Variants in ALMS1 observed in about 807,000 individuals in gnomAD.
ALMS1 encodes centrosome-associated protein ALMS1.
A neutral mutation model predicts 352.2 loss-of-function variants in ALMS1; 271 were observed. The ratio of observed to expected loss-of-function variants is 0.77; its 90% CI spans 0.70 to 0.85. The LOEUF (loss-of-function observed/expected upper bound fraction) is 0.85, where lower values mean the gene tolerates loss of function less well. Ranked by LOEUF, ALMS1 falls within the 40% of genes least tolerant of loss-of-function variation. ALMS1 has a pLI of 0.00. For missense variants in ALMS1, 5,445 were observed against 4,870.7 expected (o/e 1.12, Z -3.51); for synonymous variants, 1,865 against 1,761.2 (o/e 1.06, Z -1.48).
intron 9 of ALMS1, among the ~76,000 whole-genome samples, chr2:73,475,303 C>T (rs970246059): frequency 6.6e-6 from 1 of 152,050 alleles, no homozygotes; most frequent in Non-Finnish European, 1.5e-5. Flanking sequence ...TGAGGAACTT[C>T]TAAACTTTTT....
intron 1 of ALMS1, among the ~76,000 whole-genome samples, chr2:73,397,205 A>C (rs1005647842): frequency 1.3e-5 from 2 of 152,080 alleles, no homozygotes; most frequent in Non-Finnish European, 2.9e-5. Context: ...TGTCAATTAC[A>C]CTAGATTTTT....
intron 2 of ALMS1, among the ~76,000 whole-genome samples, chr2:73,415,693 A>G (rs570676207): frequency 6.6e-6 from 1 of 152,304 alleles, no homozygotes; most frequent in East Asian, 1.9e-4. Context: ...AGTGACATCA[A>G]TTTAAAGAAA....
rs1443249517 is a variant in ALMS1, at chr2:73,449,327, G to T, written c.2800G>T (p.Val934Phe). The stretch of plus-strand genomic sequence containing the variant: ...TCTTTTCCCTGAAGAAGCTCTGAAG[G>T]TTTCAGCTGTTTCTGTATTGGCTGC... ...DFLFPEEALK[V>F]SAVSVLAAQK... The change falls in exon 8 of 23, where the codon GTT becomes TTT. Residue 934 changes from valine to phenylalanine, a missense_variant. Transcript: ENST00000613296. The T allele has an allele frequency of 1.2e-6, 2 of 1,613,902 alleles. No individual in the cohort carries two copies. The highest frequency in any genetic ancestry group is 2.7e-5 in the African/African-American group (2 of 74,892).
intron 13 of ALMS1, among the ~76,000 whole-genome samples, chr2:73,553,072 A>G (rs929310850): frequency 2.0e-5 from 3 of 152,204 alleles, no homozygotes; most frequent in Non-Finnish European, 4.4e-5. Context: ...TACCATGTAC[A>G]TAAAAATACA....
intron 11 of ALMS1, among the ~76,000 whole-genome samples, chr2:73,521,927 T>G (rs6719753): frequency 0.38 from 57,509 of 152,088 alleles, 14,947 homozygotes; most frequent in African/African-American, 0.74. Context: ...AGGTGTTTTT[T>G]TTTGTTTGTT....
At chr2:73,538,526 G>A (rs1463402531) in intron 12 of ALMS1, among the ~76,000 whole-genome samples, 1 of 152,104 alleles carries the variant, frequency 6.6e-6, no homozygotes, top group Non-Finnish European at 1.5e-5. Context: ...AGGGATTGTA[G>A]GACAGTGGGT....
In ALMS1 at chr2:73,453,112, C is replaced by A; in HGVS notation, c.6585C>A (p.His2195Gln). The A allele has an allele frequency of 6.2e-7, 1 of 1,614,066 alleles. No individual in the cohort carries two copies. The highest frequency in any genetic ancestry group is 1.7e-5 in the Admixed American group (1 of 59,992). The change falls in exon 8 of 23, where the codon CAC (histidine) becomes CAA (glutamine). Residue 2195 changes from histidine to glutamine, a missense_variant. Transcript: ENST00000613296. ...GTACTTACTCACATGGTGAGAATCA[C>A]AAGCTTGTTTCAGAACATGTCCAAA... is the stretch of plus-strand genomic sequence containing the variant. ...PSGTYSHGEN[H>Q]KLVSEHVQRL...
intron 12 of ALMS1, among the ~76,000 whole-genome samples, chr2:73,535,954 A>G (rs944421064): frequency 3.9e-5 from 6 of 152,164 alleles, no homozygotes; most frequent in African/African-American, 1.4e-4. Context: ...AAGAGAACCA[A>G]ACTAGCTTCT....
At chr2:73,523,885 G>A (rs1572994349) in intron 11 of ALMS1, among the ~76,000 whole-genome samples, 1 of 152,124 alleles carries the variant, frequency 6.6e-6, no homozygotes, top group Admixed American at 6.5e-5. Flanking sequence ...TGAGCAACTA[G>A]GAGTCCATCT....
chr2:73,592,565 G>T (rs759142558), intron 16 of ALMS1, among the ~76,000 whole-genome samples: 1 of 152,086 alleles, frequency 6.6e-6, no homozygotes, highest in East Asian at 1.9e-4. Flanking sequence ...ATGAATTAGC[G>T]TAAACCCATG....
chr2:73,395,072 A>ATTTTT (rs1558628491), intron 1 of ALMS1, among the ~76,000 whole-genome samples: 5 of 107,612 alleles, frequency 4.6e-5, no homozygotes, highest in African/African-American at 1.8e-4. Flanking sequence ...ATATATATAT[A>ATTTTT]TATATATTTT....
At chr2:73,456,428 A>G (rs559815684) in intron 9 of ALMS1, among the ~76,000 whole-genome samples, 1 of 152,330 alleles carries the variant, frequency 6.6e-6, no homozygotes, top group Non-Finnish European at 1.5e-5. Context: ...GCATAGTAAT[A>G]GGGTATAATA....
At chr2:73,522,236 T>C (rs1330523361) in intron 11 of ALMS1, among the ~76,000 whole-genome samples, 2 of 152,210 alleles carry the variant, frequency 1.3e-5, no homozygotes, top group Non-Finnish European at 2.9e-5. Context: ...TTTTGTCCAA[T>C]CGTTGCTGTT....
chr2:73,609,503 G>T, intron 22 of ALMS1, 65 bp from the exon 23 acceptor site: 4 of 1,414,698 alleles, frequency 2.8e-6, no homozygotes, highest in Non-Finnish European at 4.0e-6. Flanking sequence ...ATGCAGGGAG[G>T]AGAGGCATCT....
At chr2:73,600,108 G>T (rs1675641519) in intron 17 of ALMS1, among the ~76,000 whole-genome samples, 1 of 152,126 alleles carries the variant, frequency 6.6e-6, no homozygotes, top group Non-Finnish European at 1.5e-5. Context: ...ACTACAATAT[G>T]AATTTTTTTT....
At position 73,587,122 on chromosome 2, in the gene ALMS1, A is replaced by G. The variant is rs1244218710; in HGVS notation, c.11548-12279A>G. ...CAGTGCTACTGATTTGTGTACATTGATTTTGTATCCTGTAACTTTACTGAA... is the reference window on the plus strand; with the variant it reads ...CAGTGCTACTGATTTGTGTACATTGGTTTTGTATCCTGTAACTTTACTGAA... On this transcript the variant is annotated intron_variant, in intron 16 of 22. Coordinates refer to ENST00000613296, the MANE Select transcript of ALMS1 (RefSeq NM_001378454.1). Among the ~76,000 whole-genome samples, 4 of 151,998 alleles carry G rather than the reference A, an allele frequency of 2.6e-5. No homozygotes were observed. In the East Asian group the frequency reaches 5.8e-4, roughly 22 times the overall value.
At chr2:73,423,984 C>T (rs555999177) in intron 4 of ALMS1, among the ~76,000 whole-genome samples, 2 of 152,180 alleles carry the variant, frequency 1.3e-5, no homozygotes, top group Non-Finnish European at 2.9e-5. Context: ...TGCCGTATTG[C>T]CAAGGCTTGT....
intron 8 of ALMS1, chr2:73,454,321 A>T (rs979140935): frequency 1.0e-6 from 1 of 985,152 alleles, no homozygotes; most frequent in Non-Finnish European, 1.2e-6. Flanking sequence ...TACCAGCCTG[A>T]GTTTACGTTC....
intron 12 of ALMS1, among the ~76,000 whole-genome samples, chr2:73,536,759 C>T (rs80217017): frequency 9.2e-5 from 14 of 152,064 alleles, no homozygotes; most frequent in East Asian, 3.9e-4. Context: ...CAAACAACGA[C>T]GGCAAAAAAC....
Sources: allele counts gnomAD v4.1 joint callset (sites outside exome capture counted in the v4.1 genomes callset), GRCh38; gene constraint gnomAD v4.1.1; transcripts MANE v1.5; gene names NCBI Gene and HGNC (gene_info 2026-07-23, HGNC 2026-07-21).